WDR27: variants seen among roughly 807,000 people sequenced by gnomAD.
The protein encoded by WDR27 is WD repeat-containing protein 27.
Under a neutral mutation model 114.4 loss-of-function variants are expected in WDR27, and 100 were observed. The observed-to-expected ratio is 0.87, with a 90% confidence interval of 0.74 to 1.03. WDR27 has a LOEUF of 1.03. Among genes scored for constraint, WDR27 ranks in the 50% least tolerant of loss-of-function variants. The probability of loss-of-function intolerance (pLI) is 0.00; values close to 1 mark genes in which losing one functional copy is unlikely to be tolerated. For synonymous variants in WDR27, 449 were observed against 423.1 expected (o/e 1.06, Z -0.75); for missense variants, 1,129 against 1,092.9 (o/e 1.03, Z -0.47).
chr6:169,686,703 C>A (rs1783055204), intron 2 of WDR27, among the ~76,000 whole-genome samples: 1 of 152,124 alleles, frequency 6.6e-6, no homozygotes. Flanking sequence ...ATATTTATTG[C>A]AGCACTATCA....
At chr6:169,561,047 CTTA>C (rs762582376) in intron 25 of WDR27, among the ~76,000 whole-genome samples, 3 of 152,006 alleles carry the variant, frequency 2.0e-5, no homozygotes, top group Non-Finnish European at 4.4e-5. Flanking sequence ...CAAATGTGGT[CTTA>C]GTCCATTCAG....
At chr6:169,483,137 G>A (rs528312399) in intron 25 of WDR27, among the ~76,000 whole-genome samples, 17 of 152,218 alleles carry the variant, frequency 1.1e-4, no homozygotes, top group African/African-American at 3.6e-4. Flanking sequence ...AAAGAAGCAA[G>A]AGCAAACCAA....
chr6:169,474,107 C>T (rs539394614), intron 25 of WDR27, among the ~76,000 whole-genome samples: 1 of 152,210 alleles, frequency 6.6e-6, no homozygotes, highest in Non-Finnish European at 1.5e-5. Flanking sequence ...AAATCTGTAA[C>T]CACAGGGCTT....
chr6:169,524,473 T>A (rs1368787316), intron 25 of WDR27, among the ~76,000 whole-genome samples: 1 of 152,112 alleles, frequency 6.6e-6, no homozygotes, highest in African/African-American at 2.4e-5. Context: ...AAATAGCCAA[T>A]GTAATCCTGA....
intron 21 of WDR27, among the ~76,000 whole-genome samples, chr6:169,615,343 C>T (rs1811547519): frequency 6.6e-6 from 1 of 152,078 alleles, no homozygotes; most frequent in Admixed American, 6.6e-5. Flanking sequence ...AGCCTGCTAC[C>T]AATAGCTGTG....
Position 169,658,399 on chromosome 6 carries a change from G to T in WDR27, c.1320-41C>A. 3 of 1,471,250 alleles carry T rather than the reference G, an allele frequency of 2.0e-6. No homozygotes were observed. In the South Asian group the frequency reaches 3.6e-5, roughly 18 times the overall value. 91.1% of individuals were successfully genotyped at this position (1,471,250 alleles called of 1,614,324 possible). A position where few individuals can be genotyped will look rare whatever the true frequency, so the allele number is the denominator to read the frequency against. On this transcript the variant is annotated intron_variant, in intron 12 of 25. Coordinates refer to ENST00000448612, the MANE Select transcript of WDR27 (RefSeq NM_182552.5). ...GCCCCATGAAACTAGGAGCGCAAAC[G>T]ACGATACGATGGAAATGCCTCAGTG...
chr6:169,666,942 G>A (rs1268061208), intron 6 of WDR27, 194 bp downstream of exon 6: 2 of 985,290 alleles, frequency 2.0e-6, no homozygotes, highest in African/African-American at 3.5e-5. Context: ...AATTTTAAGT[G>A]AAAAACATCA....
At chr6:169,434,618 C>T in the WDR27 span, among the ~76,000 whole-genome samples, 5 of 152,040 alleles carry the variant, frequency 3.3e-5, no homozygotes, top group Non-Finnish European at 7.4e-5. Flanking sequence ...TGGCATTTTG[C>T]CCCTGCCCTA....
In WDR27 at chr6:169,457,642, T is replaced by A. The variant is rs1481236557; in HGVS notation, c.2646-8A>T. ...CAAGGTAGCTGTGGCAAGCTGTAAT[T>A]GAAAATAAAATACCATGTAATTCCA... On this transcript the variant is annotated splice_region_variant and splice_polypyrimidine_tract_variant and intron_variant, in intron 25 of 25. Transcript: ENST00000448612. The A allele has an allele frequency of 6.5e-7, 1 of 1,550,242 alleles. No homozygotes were observed. Among genetic ancestry groups the A allele is most frequent in the Non-Finnish European group, 8.7e-7 (1 of 1,146,046 alleles).
intron 22 of WDR27, among the ~76,000 whole-genome samples, chr6:169,608,164 A>C (rs1809655404): frequency 6.6e-6 from 1 of 152,232 alleles, no homozygotes; most frequent in South Asian, 2.1e-4. Context: ...ATGGAACTAA[A>C]AGTAGATTTC....
chr6:169,635,922 C>T (rs1365323823), intron 19 of WDR27, among the ~76,000 whole-genome samples: 1 of 152,128 alleles, frequency 6.6e-6, no homozygotes, highest in Admixed American at 6.5e-5. Flanking sequence ...CTAATTCCCT[C>T]TGTAATATTT....
At chr6:169,574,015 A>G (rs1584314233) in intron 24 of WDR27, among the ~76,000 whole-genome samples, 1 of 152,276 alleles carries the variant, frequency 6.6e-6, no homozygotes, top group African/African-American at 2.4e-5. Flanking sequence ...AGCTACACTG[A>G]TATCTTATGG....
At position 169,635,595 on chromosome 6, in the gene WDR27, G is replaced by A. The variant is rs367888210; in HGVS notation, c.2003+776C>T. ...ATCGGGGTGAGATCGGGGATTCCTTGCAAGCCCATCTATCAGATGCGATCG... is the reference window on the plus strand; with the variant it reads ...ATCGGGGTGAGATCGGGGATTCCTTACAAGCCCATCTATCAGATGCGATCG... On this transcript the variant is annotated intron_variant, in intron 19 of 25. Coordinates refer to ENST00000448612, the MANE Select transcript of WDR27 (RefSeq NM_182552.5). 3.5e-4 allele frequency among the ~76,000 whole-genome samples: 53 copies of A among 152,326 alleles called. No individual in the cohort carries two copies. The South Asian group carries it at 0.011, about 31-fold the overall frequency.
chr6:169,695,651 G>A, intron 1 of WDR27, among the ~76,000 whole-genome samples: 1 of 152,020 alleles, frequency 6.6e-6, no homozygotes, highest in East Asian at 1.9e-4. Context: ...AATACCCCGG[G>A]GCACGGTGGT....
chr6:169,590,023 T>TAAC (rs1805412751), intron 23 of WDR27, among the ~76,000 whole-genome samples: 1 of 150,286 alleles, frequency 6.7e-6, no homozygotes, highest in Non-Finnish European at 1.5e-5. Context: ...GGTGCTGGAA[T>TAAC]AACGCTTGAC....
chr6:169,620,720 G>A (rs1320371754), intron 21 of WDR27, among the ~76,000 whole-genome samples: 2 of 152,166 alleles, frequency 1.3e-5, no homozygotes, highest in South Asian at 2.1e-4. Context: ...TATGTCATGG[G>A]TGCATCCTTA....
chr6:169,602,327 G>A lies in WDR27; in HGVS notation c.2322-6C>T. 1.3e-6 allele frequency: 2 copies of A among 1,510,356 alleles called. No homozygotes were observed. Among genetic ancestry groups the A allele is most frequent in the Admixed American group, 2.0e-5 (1 of 50,568 alleles). 93.6% of individuals were successfully genotyped at this position (1,510,356 alleles called of 1,614,324 possible). A position where few individuals can be genotyped will look rare whatever the true frequency, so the allele number is the denominator to read the frequency against. ...CTTCAAAGTGGCGCTCACACCTACA[G>A]GGAGGAAAGAAACACCAGGAGAAAA... is the stretch of plus-strand genomic sequence containing the variant. On this transcript the variant is annotated splice_region_variant and splice_polypyrimidine_tract_variant and intron_variant, in intron 22 of 25. Coordinates refer to ENST00000448612, the MANE Select transcript of WDR27 (RefSeq NM_182552.5).
chr6:169,554,197 G>T (rs2982401), intron 25 of WDR27, among the ~76,000 whole-genome samples: 12,767 of 152,236 alleles, frequency 0.084, 638 homozygotes, highest in Middle Eastern at 0.14. Context: ...CCGGGTTCTA[G>T]TTCATGCCCA....
chr6:169,634,615 A>G (rs1584762471), intron 19 of WDR27, 90 bp from the exon 20 acceptor site: 2 of 809,860 alleles, frequency 2.5e-6, no homozygotes, highest in East Asian at 5.7e-5. Flanking sequence ...ACATGAAAAG[A>G]AAGTTTTCAT....
Sources: gnomAD v4.1 joint callset for allele counts (sites outside exome capture counted in the v4.1 genomes callset) on GRCh38, gnomAD v4.1.1 for gene constraint, MANE v1.5 for transcripts, NCBI Gene and HGNC (gene_info 2026-07-23, HGNC 2026-07-21) for gene names.